Variants in CALN1 observed in about 807,000 individuals in gnomAD.
The protein encoded by CALN1 is calneuron 1, also known as calcium-binding protein 8.
CALN1 carries 17 observed loss-of-function variants against 30.6 expected under a neutral mutation model. The ratio of observed to expected loss-of-function variants is 0.56; its 90% CI spans 0.38 to 0.83. CALN1 has a LOEUF of 0.83. Among genes scored for constraint, CALN1 ranks in the 40% least tolerant of loss-of-function variants. The probability of loss-of-function intolerance (pLI) is 0.00; values close to 1 mark genes in which losing one functional copy is unlikely to be tolerated. For synonymous variants in CALN1, 156 were observed against 131.4 expected, an observed-to-expected ratio of 1.19 and a Z score of -1.28; for missense variants, 291 against 354.9, an observed-to-expected ratio of 0.82 and a Z score of 1.45.
chr7:72,456,289 G>A, the CALN1 span, among the ~76,000 whole-genome samples: 3 of 152,130 alleles, frequency 2.0e-5, no homozygotes, highest in Admixed American at 6.5e-5. Flanking sequence ...TTGGGGAGTC[G>A]AGGTGGGAGG....
chr7:72,117,470 A>G (rs1808066829), intron 3 of CALN1, among the ~76,000 whole-genome samples: 1 of 152,082 alleles, frequency 6.6e-6, no homozygotes, highest in Non-Finnish European at 1.5e-5. Context: ...CTGCATTTTA[A>G]TCTTAATGCT....
chr7:72,349,282 TTGTGTGTGTGTGTGTGTGTG>T (rs3032183), intron 2 of CALN1, among the ~76,000 whole-genome samples: 10 of 147,754 alleles, frequency 6.8e-5, no homozygotes, highest in South Asian at 2.2e-4. Context: ...ACACGCGTGC[TTGTGTGTGTGTGTGTGTGTG>T]TGTGTGTGTG....
chr7:72,273,199 C>T (rs1359153466), intron 3 of CALN1, among the ~76,000 whole-genome samples: 1 of 152,056 alleles, frequency 6.6e-6, no homozygotes, highest in Admixed American at 6.6e-5. Context: ...TTTGGGAGGC[C>T]AAGGTGGGCA....
At chr7:71,956,506 A>T (rs34901807) in intron 5 of CALN1, among the ~76,000 whole-genome samples, 23,029 of 102,692 alleles carry the variant, frequency 0.22, 2,177 homozygotes, top group Non-Finnish European at 0.31. Context: ...TTTTTTTTTT[A>T]AACAGAGGGA....
chr7:71,796,597 A>G (rs1482350467), intron 6 of CALN1, among the ~76,000 whole-genome samples: 1 of 151,834 alleles, frequency 6.6e-6, no homozygotes, highest in Non-Finnish European at 1.5e-5. Context: ...TGACCTCATG[A>G]TCCACCTGCC....
intron 2 of CALN1, among the ~76,000 whole-genome samples, chr7:72,384,846 T>G (rs2129561061): frequency 6.6e-6 from 1 of 152,134 alleles, no homozygotes; most frequent in South Asian, 2.1e-4. Flanking sequence ...AAAAGATACT[T>G]TTAAGAGAAT....
intron 5 of CALN1, among the ~76,000 whole-genome samples, chr7:71,902,953 T>C (rs1166012304): frequency 1.3e-5 from 2 of 151,890 alleles, no homozygotes; most frequent in Admixed American, 6.6e-5. Context: ...AGTAGAATAG[T>C]AGACATTGGA....
intron 3 of CALN1, among the ~76,000 whole-genome samples, chr7:72,126,968 T>G (rs2040869): frequency 0.56 from 85,573 of 151,686 alleles, 24,631 homozygotes; most frequent in East Asian, 0.68. Context: ...TGTTCCCCAA[T>G]AACTATTGAA....
intron 5 of CALN1, among the ~76,000 whole-genome samples, chr7:71,943,270 C>T (rs1294037805): frequency 6.6e-6 from 1 of 152,180 alleles, no homozygotes; most frequent in African/African-American, 2.4e-5. Context: ...CGAAACAACA[C>T]AGTATATTTT....
chr7:72,033,711 C>T lies in CALN1; in HGVS notation c.389-9942G>A, dbSNP rs560431196. ...GGATCCCCATAGGAAGAGAGCAGGA[C>T]AAGCTGGGCCCAGAAGGTCAAGGCA... On this transcript the variant is annotated intron_variant, in intron 4 of 6. Transcript: ENST00000395275. 4.6e-5 allele frequency among the ~76,000 whole-genome samples: 7 copies of T among 152,296 alleles called. No homozygotes were observed. In the South Asian group the frequency reaches 1.5e-3, roughly 32 times the overall value.
intron 2 of CALN1, among the ~76,000 whole-genome samples, chr7:72,361,076 G>C (rs1452139127): frequency 6.6e-6 from 1 of 152,070 alleles, no homozygotes; most frequent in African/African-American, 2.4e-5. Context: ...TTGTTGCAAT[G>C]AGAATGTACT....
intron 2 of CALN1, among the ~76,000 whole-genome samples, chr7:72,354,834 A>G (rs1351622699): frequency 6.6e-6 from 1 of 152,138 alleles, no homozygotes; most frequent in Non-Finnish European, 1.5e-5. Context: ...AAGCCGCAAA[A>G]CTTTTAAAGA....
intron 2 of CALN1, chr7:72,337,278 G>C (rs1440037146): frequency 5.1e-6 from 5 of 984,994 alleles, no homozygotes; most frequent in Non-Finnish European, 6.0e-6. Context: ...CGGGCTTCTG[G>C]GCTCGCCTTG....
intron 4 of CALN1, among the ~76,000 whole-genome samples, chr7:72,080,415 C>A (rs1415608203): frequency 6.6e-6 from 1 of 152,162 alleles, no homozygotes; most frequent in African/African-American, 2.4e-5. Context: ...GCAGAACAGA[C>A]CCGGACCTGG....
At chr7:72,495,905 T>C in the CALN1 span, among the ~76,000 whole-genome samples, 2 of 152,194 alleles carry the variant, frequency 1.3e-5, no homozygotes, top group Non-Finnish European at 2.9e-5. Context: ...TTCTGTTTCT[T>C]CTATTCCAAT....
intron 2 of CALN1, among the ~76,000 whole-genome samples, chr7:72,284,519 G>A (rs1168554309): frequency 1.3e-5 from 2 of 150,160 alleles, no homozygotes; most frequent in South Asian, 2.1e-4. Context: ...CCCAGTGTGG[G>A]TGGGTCTCAT....
chr7:72,061,323 T>A (rs73124339), intron 4 of CALN1, among the ~76,000 whole-genome samples: 9,391 of 152,294 alleles, frequency 0.062, 408 homozygotes, highest in Non-Finnish European at 0.09. Flanking sequence ...TTGTTGGAAT[T>A]ATCTGAAAAA....
chr7:72,183,221 G>A (rs1789942265), intron 3 of CALN1, among the ~76,000 whole-genome samples: 1 of 152,032 alleles, frequency 6.6e-6, no homozygotes, highest in Non-Finnish European at 1.5e-5. Flanking sequence ...GCGCCACCAC[G>A]CCCAGCTAAT....
At chr7:72,336,269 C>T (rs952595649) in intron 2 of CALN1, among the ~76,000 whole-genome samples, 1 of 152,220 alleles carries the variant, frequency 6.6e-6, no homozygotes, top group Non-Finnish European at 1.5e-5. Context: ...GGCGCTCCCA[C>T]CTGGGCTGCG....
Sources: gnomAD v4.1 joint callset for allele counts (sites outside exome capture counted in the v4.1 genomes callset) on GRCh38, gnomAD v4.1.1 for gene constraint, MANE v1.5 for transcripts, NCBI Gene and HGNC (gene_info 2026-07-23, HGNC 2026-07-21) for gene names.